The following SARS1 variants were observed in gnomAD, a reference collection of about 807,000 sequenced individuals.
SARS1 encodes serine--tRNA ligase, cytoplasmic.
SARS1 carries 25 observed loss-of-function variants against 63.7 expected under a neutral mutation model. The observed-to-expected ratio is 0.39, with a 90% confidence interval of 0.29 to 0.55. The LOEUF (loss-of-function observed/expected upper bound fraction) is 0.55. Ranked by LOEUF, SARS1 falls within the 20% of genes least tolerant of loss-of-function variation. SARS1 has a pLI of 0.62. For missense variants in SARS1, 417 were observed against 649.7 expected, an observed-to-expected ratio of 0.64 and a Z score of 3.89; for synonymous variants, 231 against 243.5, an observed-to-expected ratio of 0.95 and a Z score of 0.48.
Position 109,228,450 on chromosome 1 carries a change from T to C in SARS1, c.288+18T>C, listed in dbSNP as rs1006537090. The C allele has an allele frequency of 6.5e-7, 1 of 1,544,496 alleles. No individual in the cohort carries two copies. Among genetic ancestry groups the C allele is most frequent in the Non-Finnish European group, 8.9e-7 (1 of 1,118,648 alleles). ...CTTTAGCTGTAAGTTATAGTTCTTT[T>C]CTAAGTTAGGATCTCTGCTATTTTG... On this transcript the variant is annotated intron_variant, in intron 3 of 10. Coordinates refer to ENST00000234677, the MANE Select transcript of SARS1 (RefSeq NM_006513.4).
chr1:109,237,885 T>G lies in SARS1; in HGVS notation c.1542T>G (p.Ala514=). The G allele has an allele frequency of 6.2e-7, 1 of 1,614,128 alleles. No individual in the cohort carries two copies. The highest frequency in any genetic ancestry group is 1.7e-5 in the Admixed American group (1 of 60,012). ...NRLQNMEVTD[A] is the part of the protein sequence containing the mutation. ...TGCAGAACATGGAGGTCACCGATGCTTGAACATTCCTGCCTCCCTATTTGC... is the reference window on the plus strand; with the variant it reads ...TGCAGAACATGGAGGTCACCGATGCGTGAACATTCCTGCCTCCCTATTTGC... Residue 514 remains alanine, a synonymous_variant, in exon 11 of 11, where the codon GCT becomes GCG. Coordinates refer to ENST00000234677, the MANE Select transcript of SARS1 (RefSeq NM_006513.4). This position sits in a 1 kb window ranked among gnomAD's most constrained non-coding sequence, Gnocchi z 4.1.
At position 109,214,967 on chromosome 1, in the gene SARS1, T is replaced by G. The variant is rs1654751241; in HGVS notation, c.136+839T>G. 4.1e-6 allele frequency: 4 copies of G among 985,350 alleles called. No homozygotes were observed. Among genetic ancestry groups the G allele is most frequent in the African/African-American group, 1.7e-5 (1 of 57,252 alleles). 61.0% of individuals were successfully genotyped at this position (985,350 alleles called of 1,614,324 possible). A position where few individuals can be genotyped will look rare whatever the true frequency, so the allele number is the denominator to read the frequency against. On this transcript the variant is annotated intron_variant, in intron 1 of 10. Coordinates refer to ENST00000234677, the MANE Select transcript of SARS1 (RefSeq NM_006513.4). The surrounding 1 kb of genome is among the most constrained non-coding windows in gnomAD (Gnocchi z 4.6). ...CTGGAGTGGTCGCTGGTTGGGCGGA[T>G]GCTGTCAAGTACTTGTGATTTGATT...
intron 1 of SARS1, among the ~76,000 whole-genome samples, chr1:109,218,115 C>A (rs1654833950): frequency 6.7e-6 from 1 of 148,426 alleles, no homozygotes; most frequent in African/African-American, 2.5e-5. Context: ...ATGGCGTGAA[C>A]CCGGGAGGCA....
chr1:109,231,078 T>G, intron 5 of SARS1, 57 bp downstream of exon 5: 6 of 956,744 alleles, frequency 6.3e-6, no homozygotes, highest in East Asian at 4.1e-5. Flanking sequence ...AATATATATA[T>G]ATATATTTTT....
At chr1:109,216,640 T>C in intron 1 of SARS1, 1 of 961,240 alleles carries the variant, frequency 1.0e-6, no homozygotes, top group Non-Finnish European at 1.2e-6. Flanking sequence ...GTTGTTTCCT[T>C]TTTTTTTAAT....
intron 1 of SARS1, chr1:109,216,427 T>C (rs116179767): frequency 5.8e-4 from 568 of 985,388 alleles, no homozygotes; most frequent in Middle Eastern, 1.0e-3. Context: ...CTCCAGGGAT[T>C]TGAATGTGAT....
At chr1:109,236,174 C>G in intron 8 of SARS1, 68 bp downstream of exon 8, 1 of 1,540,868 alleles carries the variant, frequency 6.5e-7, no homozygotes, top group Non-Finnish European at 8.8e-7. Context: ...ACCAGCTGAG[C>G]TGCCACACAG....
At chr1:109,218,482 G>A (rs1654845976) in intron 1 of SARS1, among the ~76,000 whole-genome samples, 1 of 150,712 alleles carries the variant, frequency 6.6e-6, no homozygotes, top group Admixed American at 6.6e-5. Context: ...CTCTGTTCAG[G>A]TGCTCATTTC....
At chr1:109,225,891 C>T (rs961937813) in intron 2 of SARS1, among the ~76,000 whole-genome samples, 4 of 152,300 alleles carry the variant, frequency 2.6e-5, no homozygotes, top group African/African-American at 9.6e-5. Flanking sequence ...ATCACCCTGC[C>T]TATGATGCCA....
chr1:109,234,693 C>T (rs1655274952), intron 6 of SARS1, among the ~76,000 whole-genome samples: 1 of 152,198 alleles, frequency 6.6e-6, no homozygotes, highest in South Asian at 2.1e-4. Context: ...TAGCTGGGCA[C>T]AGTGGCTCAC....
chr1:109,235,335 C>T lies in SARS1; in HGVS notation c.873C>T (p.Pro291=), dbSNP rs1483811098. Residue 291 remains proline, a synonymous_variant, in exon 7 of 11, where the codon CCC becomes CCT. Transcript: ENST00000234677. The surrounding 1 kb of genome is among the most constrained non-coding windows in gnomAD (Gnocchi z 4.7). ...RDEWLRPEDL[P]IKYAGLSTCF... ...AGTGGCTCCGGCCGGAGGACCTGCC[C>T]ATCAAGTATGCTGGCCTGTCTACCT... 6.2e-7 allele frequency: 1 copy of T among 1,614,114 alleles called. No homozygotes were observed. The highest frequency in any genetic ancestry group is 1.3e-5 in the African/African-American group (1 of 75,026).
chr1:109,231,504 T>C, intron 5 of SARS1, 127 bp from the exon 6 acceptor site: 1 of 713,242 alleles, frequency 1.4e-6, no homozygotes, highest in Non-Finnish European at 2.1e-6. Flanking sequence ...CTGTGGTCTT[T>C]TCTTGGCCTC....
intron 2 of SARS1, among the ~76,000 whole-genome samples, chr1:109,226,697 T>TATATATATATATAC (rs1183766306): frequency 9.6e-6 from 1 of 104,176 alleles, no homozygotes; most frequent in African/African-American, 3.8e-5. Flanking sequence ...TATATATATA[T>TATATATATATATAC]ACACACACAC....
At chr1:109,226,677 A>AATATAT (rs1553177726) in intron 2 of SARS1, among the ~76,000 whole-genome samples, 102 of 44,932 alleles carry the variant, frequency 2.3e-3, no homozygotes, top group South Asian at 5.7e-3. Context: ...AAAAAAAAAA[A>AATATAT]ATATATATAT....
In SARS1 at chr1:109,214,493, C is replaced by A. The variant is rs537110176; in HGVS notation, c.136+365C>A. On this transcript the variant is annotated intron_variant, in intron 1 of 10. Transcript: ENST00000234677. The surrounding 1 kb of genome is among the most constrained non-coding windows in gnomAD (Gnocchi z 4.6). ...CCTAACACGAATCTTTGGTCCCCCCCAGTCTTTTTCTCATCTTCAGCAAGG... is the reference window on the plus strand; with the variant it reads ...CCTAACACGAATCTTTGGTCCCCCCAAGTCTTTTTCTCATCTTCAGCAAGG... The A allele has an allele frequency of 2.0e-6, 2 of 1,004,990 alleles. No homozygotes were observed. Among genetic ancestry groups the A allele is most frequent in the African/African-American group, 1.7e-5 (1 of 58,164 alleles). 62.3% of individuals were successfully genotyped at this position (1,004,990 alleles called of 1,614,324 possible). A position where few individuals can be genotyped will look rare whatever the true frequency, so the allele number is the denominator to read the frequency against.
intron 9 of SARS1, 93 bp downstream of exon 9, chr1:109,236,641 A>G: frequency 1.3e-6 from 2 of 1,514,616 alleles, no homozygotes; most frequent in Non-Finnish European, 1.8e-6. Context: ...GGTCCCCAGC[A>G]TCATGGGAAA....
At chr1:109,227,415 A>G (rs78360554) in intron 2 of SARS1, among the ~76,000 whole-genome samples, 3,255 of 152,316 alleles carry the variant, frequency 0.021, 129 homozygotes, top group African/African-American at 0.074. Flanking sequence ...GAGAAGAGAA[A>G]CTAGAGAGAA....
At chr1:109,217,497 G>T (rs370400338) in intron 1 of SARS1, among the ~76,000 whole-genome samples, 1 of 150,710 alleles carries the variant, frequency 6.6e-6, no homozygotes, top group East Asian at 1.9e-4. Context: ...ATTAATTTTA[G>T]TAATACATTT....
intron 1 of SARS1, among the ~76,000 whole-genome samples, chr1:109,222,272 G>A (rs1213441970): frequency 4.0e-5 from 6 of 151,688 alleles, no homozygotes; most frequent in South Asian, 2.1e-4. Context: ...GAAAGGTCCC[G>A]TTTTCCCCAA....
Sources: allele counts gnomAD v4.1 joint callset (sites outside exome capture counted in the v4.1 genomes callset), GRCh38; gene constraint gnomAD v4.1.1; non-coding constraint Gnocchi (gnomAD v3.1); transcripts MANE v1.5; gene names NCBI Gene and HGNC (gene_info 2026-07-23, HGNC 2026-07-21).